CHRM3: variants seen among roughly 807,000 people sequenced by gnomAD.
CHRM3 encodes the protein muscarinic acetylcholine receptor M3.
A neutral mutation model predicts 41.8 loss-of-function variants in CHRM3; 11 were observed. That is an observed-to-expected ratio of 0.26 (90% CI 0.17 to 0.44). The LOEUF (loss-of-function observed/expected upper bound fraction) is 0.44. Among genes scored for constraint, CHRM3 ranks in the 20% least tolerant of loss-of-function variants. The pLI is 1.00. For synonymous variants in CHRM3, 297 were observed against 301.4 expected, an observed-to-expected ratio of 0.99 and a Z score of 0.15; for missense variants, 571 against 745.4, an observed-to-expected ratio of 0.77 and a Z score of 2.72.
intron 1 of CHRM3, among the ~76,000 whole-genome samples, chr1:239,451,904 T>C (rs1197496583): frequency 6.6e-6 from 1 of 152,200 alleles, no homozygotes; most frequent in African/African-American, 2.4e-5. Context: ...AAGTAGTTAC[T>C]ATTTGATTAA....
intron 3 of CHRM3, chr1:239,629,275 C>G (rs1284571072): frequency 8.3e-6 from 1 of 120,924 alleles, no homozygotes. Context: ...CCAGGTGCTT[C>G]CGTCACCCCT....
intron 4 of CHRM3, among the ~76,000 whole-genome samples, chr1:239,647,072 T>G (rs1271059668): frequency 6.6e-6 from 1 of 152,230 alleles, no homozygotes; most frequent in African/African-American, 2.4e-5. Flanking sequence ...TTAATTCTTT[T>G]GATTATTTGT....
chr1:239,867,348 T>C (rs1028551419), intron 6 of CHRM3, among the ~76,000 whole-genome samples: 9 of 152,186 alleles, frequency 5.9e-5, no homozygotes, highest in Non-Finnish European at 1.5e-5. Flanking sequence ...TTGTAAGATA[T>C]AGGAGTGTGC....
chr1:239,901,408 T>G (rs138058835), intron 6 of CHRM3, among the ~76,000 whole-genome samples: 1 of 152,226 alleles, frequency 6.6e-6, no homozygotes, highest in African/African-American at 2.4e-5. Flanking sequence ...CAATCCTAAT[T>G]TTATCTTCCT....
At chr1:239,804,417 G>A (rs1670464923) in intron 5 of CHRM3, among the ~76,000 whole-genome samples, 1 of 152,100 alleles carries the variant, frequency 6.6e-6, no homozygotes. Flanking sequence ...CTGTGGCAGG[G>A]TTTTGTTTGA....
Position 239,659,406 on chromosome 1 carries a change from C to T in CHRM3, c.-249-18780C>T, listed in dbSNP as rs1209702505. Reference sequence around the variant, plus strand: ...CTTCCCTTCACTCTGTGTCTCTCCTCCAGCCACTGTCCCATTCCTCCCCTT... The same window carrying T: ...CTTCCCTTCACTCTGTGTCTCTCCTTCAGCCACTGTCCCATTCCTCCCCTT... On this transcript the variant is annotated intron_variant, in intron 4 of 6. Coordinates refer to ENST00000676153, the MANE Select transcript of CHRM3 (RefSeq NM_001375978.1). Among the ~76,000 whole-genome samples, 5 of 152,128 alleles carry T rather than the reference C, an allele frequency of 3.3e-5. 1 individual carries two copies. Among genetic ancestry groups the T allele is most frequent in the Admixed American group, 2.6e-4 (4 of 15,266 alleles).
chr1:239,727,149 A>G (rs756034152), intron 5 of CHRM3, among the ~76,000 whole-genome samples: 10 of 151,912 alleles, frequency 6.6e-5, no homozygotes, highest in Admixed American at 1.3e-4. Context: ...TGCTTGACAC[A>G]TAGTCCCTAC....
chr1:239,563,513 T>G lies in CHRM3; in HGVS notation c.-313+17764T>G, dbSNP rs371530786. Among the ~76,000 whole-genome samples the G allele has an allele frequency of 2.5e-4, 38 of 152,354 alleles. No homozygotes were observed. In the East Asian group the frequency reaches 6.7e-3, roughly 27 times the overall value. On this transcript the variant is annotated intron_variant, in intron 3 of 6. Coordinates refer to ENST00000676153, the MANE Select transcript of CHRM3 (RefSeq NM_001375978.1). ...TCCAAATATATGATATTTTCATTGT[T>G]GCTATTTTTAAATCTAAAAGATTTT... is the stretch of plus-strand genomic sequence containing the variant.
Position 239,665,909 on chromosome 1 carries a change from A to G in CHRM3, c.-249-12277A>G, listed in dbSNP as rs1367732987. 3.9e-5 allele frequency among the ~76,000 whole-genome samples: 6 copies of G among 152,098 alleles called. No individual in the cohort carries two copies. In the East Asian group the frequency reaches 5.8e-4, roughly 15 times the overall value. On this transcript the variant is annotated intron_variant, in intron 4 of 6. Transcript: ENST00000676153. ...ATATGTGCCACATTTTCTTTATCCAATCTATCAATGATGGGAATTTGGGTT... is the reference window on the plus strand; with the variant it reads ...ATATGTGCCACATTTTCTTTATCCAGTCTATCAATGATGGGAATTTGGGTT...
intron 2 of CHRM3, among the ~76,000 whole-genome samples, chr1:239,523,212 A>G (rs779301461): frequency 6.6e-6 from 1 of 152,186 alleles, no homozygotes; most frequent in Non-Finnish European, 1.5e-5. Flanking sequence ...ATATTTATAT[A>G]TGTATGGTCA....
chr1:239,682,579 T>C (rs1658673181), intron 5 of CHRM3, among the ~76,000 whole-genome samples: 1 of 152,114 alleles, frequency 6.6e-6, no homozygotes, highest in East Asian at 1.9e-4. Context: ...TATTTGCTAT[T>C]AACTCCCTTT....
At chr1:239,685,143 T>C (rs546388362) in intron 5 of CHRM3, among the ~76,000 whole-genome samples, 3 of 152,308 alleles carry the variant, frequency 2.0e-5, no homozygotes, top group South Asian at 4.1e-4. Context: ...ACACATGTTA[T>C]GGCTTTGTCT....
At chr1:239,696,020 CAT>C (rs1660151058) in intron 5 of CHRM3, among the ~76,000 whole-genome samples, 1 of 152,152 alleles carries the variant, frequency 6.6e-6, no homozygotes, top group African/African-American at 2.4e-5. Flanking sequence ...TATGTACTGA[CAT>C]ATTCTCTCCT....
At chr1:239,610,821 A>G (rs1327081085) in intron 3 of CHRM3, among the ~76,000 whole-genome samples, 1 of 152,244 alleles carries the variant, frequency 6.6e-6, no homozygotes, top group Middle Eastern at 3.4e-3. Flanking sequence ...TGGGAGGCTG[A>G]GGGGGGCGGA....
intron 6 of CHRM3, among the ~76,000 whole-genome samples, chr1:239,880,866 G>A (rs192660215): frequency 8.5e-4 from 129 of 152,284 alleles, no homozygotes; most frequent in Admixed American, 2.3e-3. Flanking sequence ...ACGTTTGGCA[G>A]GCCTAATCAG....
At chr1:239,806,336 AACAC>A (rs112010872) in intron 5 of CHRM3, among the ~76,000 whole-genome samples, 4 of 149,822 alleles carry the variant, frequency 2.7e-5, no homozygotes, top group South Asian at 4.3e-4. Flanking sequence ...GGAGTTACAC[AACAC>A]ACACACACAC....
intron 6 of CHRM3, among the ~76,000 whole-genome samples, chr1:239,902,908 C>G (rs748946418): frequency 6.6e-6 from 1 of 152,044 alleles, no homozygotes; most frequent in African/African-American, 2.4e-5. Context: ...TATTGCATGA[C>G]AGAAAAGGAC....
At chr1:239,529,157 T>C (rs1670197087) in intron 2 of CHRM3, among the ~76,000 whole-genome samples, 1 of 152,142 alleles carries the variant, frequency 6.6e-6, no homozygotes, top group Non-Finnish European at 1.5e-5. Context: ...AAGAAATGCA[T>C]GTGAGTCTTG....
In CHRM3 at chr1:239,516,330, A is replaced by ACCTT. The variant is rs1387114825; in HGVS notation, c.-422+23526_-422+23529dup. 7.2e-5 allele frequency among the ~76,000 whole-genome samples: 11 copies of ACCTT among 152,278 alleles called. No homozygotes were observed. The East Asian group carries it at 2.1e-3, about 29-fold the overall frequency. ...TTGAAAAAATCATTTTAAAGCTCTG[A>ACCTT]CCTTCCGCTTCTCTGTAAAATGGGC... On this transcript the variant is annotated intron_variant, in intron 2 of 6. Transcript: ENST00000676153.
Sources: gnomAD v4.1 joint callset for allele counts (sites outside exome capture counted in the v4.1 genomes callset) on GRCh38, gnomAD v4.1.1 for gene constraint, MANE v1.5 for transcripts, NCBI Gene and HGNC (gene_info 2026-07-23, HGNC 2026-07-21) for gene names.